The following XG variants were observed in gnomAD, a reference collection of about 807,000 sequenced individuals.
XG encodes the protein Xg glycoprotein (Xg blood group).
In XG, 24 loss-of-function variants were observed where a neutral mutation model predicts 25.7. That is an observed-to-expected ratio of 0.93 (90% confidence interval 0.68 to 1.31). The LOEUF is 1.31. XG is among the 40% of genes most tolerant of loss of function. XG has a pLI of 0.00. For synonymous variants in XG, 77 were observed against 69.2 expected, an observed-to-expected ratio of 1.11 and a Z score of -0.56; for missense variants, 181 against 187.6, an observed-to-expected ratio of 0.96 and a Z score of 0.21.
intron 7 of XG, among the ~76,000 whole-genome samples, chrX:2,801,070 GA>G (rs932771386): frequency 6.5e-5 from 7 of 108,320 alleles, no homozygotes; most frequent in Non-Finnish European, 9.5e-5. Flanking sequence ...CATCTTTCTG[GA>G]ACTAGCTAAG....
chrX:2,798,304 C>T (rs376016381), intron 7 of XG, among the ~76,000 whole-genome samples: 1 of 110,355 alleles, frequency 9.1e-6, no homozygotes, highest in East Asian at 2.8e-4. Flanking sequence ...CCATCATCTC[C>T]GTTTTAACAT....
chrX:2,795,174 A>G (rs773318046), intron 6 of XG, among the ~76,000 whole-genome samples: 1 of 106,938 alleles, frequency 9.4e-6, no homozygotes, highest in Non-Finnish European at 1.9e-5. Context: ...ACATAGGTAC[A>G]TGTTTTATAT....
intron 4 of XG, among the ~76,000 whole-genome samples, chrX:2,787,948 T>C (rs1035150042): frequency 2.0e-5 from 2 of 100,905 alleles, no homozygotes; most frequent in African/African-American, 7.5e-5. Context: ...CAGGGCATGG[T>C]GGTCCATGCC....
intron 6 of XG, among the ~76,000 whole-genome samples, chrX:2,795,606 ATC>A (rs2086878014): frequency 9.0e-6 from 1 of 110,672 alleles, no homozygotes; most frequent in South Asian, 3.7e-4. Context: ...ATGTGTATAT[ATC>A]TTTATATAGG....
At chrX:2,766,242 G>C (rs1331318278) in intron 1 of XG, among the ~76,000 whole-genome samples, 2 of 152,162 alleles carry the variant, frequency 1.3e-5, no homozygotes, top group Non-Finnish European at 2.9e-5. Context: ...CCAGGTTCAA[G>C]CAATTCTCCT....
At chrX:2,756,594 TA>T (rs1348516889) in intron 1 of XG, among the ~76,000 whole-genome samples, 1 of 86,736 alleles carries the variant, frequency 1.2e-5, no homozygotes. Context: ...CAATTAAAAA[TA>T]AATTAAAAGA....
chrX:2,788,034 A>C (rs866357798), intron 4 of XG, among the ~76,000 whole-genome samples: 9 of 110,752 alleles, frequency 8.1e-5, no homozygotes, highest in Non-Finnish European at 1.7e-4. Flanking sequence ...GCAGTGAGCT[A>C]TGATTCACCA....
chrX:2,784,952 C>T (rs1241777886), intron 4 of XG, among the ~76,000 whole-genome samples: 1 of 112,427 alleles, frequency 8.9e-6, no homozygotes, highest in Admixed American at 9.4e-5. Context: ...AAGGACGTGC[C>T]CGTGACACAG....
At chrX:2,791,856 A>G (rs2086840500) in intron 5 of XG, among the ~76,000 whole-genome samples, 1 of 110,336 alleles carries the variant, frequency 9.1e-6, no homozygotes, top group Admixed American at 9.8e-5. Context: ...ATCAGGGTGT[A>G]TAGCTTCAAC....
At chrX:2,759,844 G>A (rs1329602080) in intron 1 of XG, among the ~76,000 whole-genome samples, 2 of 152,342 alleles carry the variant, frequency 1.3e-5, no homozygotes, top group African/African-American at 4.8e-5. Context: ...TCCCCCGATG[G>A]ATCAGGGGCC....
chrX:2,755,901 A>T (rs2050424859), intron 1 of XG, among the ~76,000 whole-genome samples: 1 of 152,118 alleles, frequency 6.6e-6, no homozygotes, highest in South Asian at 2.1e-4. Context: ...AAGAAAACAG[A>T]TTATTGTTCA....
chrX:2,776,717 G>A (rs1245974427), intron 3 of XG, among the ~76,000 whole-genome samples: 2 of 152,210 alleles, frequency 1.3e-5, no homozygotes, highest in Admixed American at 1.3e-4. Context: ...GCATGGTGGC[G>A]GGCGCCTGTA....
intron 10 of XG, among the ~76,000 whole-genome samples, chrX:2,812,016 A>G (rs1269691408): frequency 1.1e-4 from 12 of 112,115 alleles, no homozygotes; most frequent in Admixed American, 9.5e-5. Context: ...AGAAAAAGAA[A>G]CAAACAAACA....
intron 1 of XG, chrX:2,752,786 A>T (rs1156602753): frequency 6.2e-6 from 2 of 320,128 alleles, no homozygotes; most frequent in African/African-American, 4.5e-5. Context: ...CGTTTGCCGG[A>T]AGGGTTGCAT....
intron 3 of XG, among the ~76,000 whole-genome samples, chrX:2,778,909 G>A (rs2051059956): frequency 1.3e-5 from 2 of 152,008 alleles, no homozygotes; most frequent in East Asian, 3.9e-4. Context: ...CTACAGGCAT[G>A]TGCCACCACG....
intron 4 of XG, among the ~76,000 whole-genome samples, chrX:2,787,149 T>C (rs754527212): frequency 9.4e-6 from 1 of 105,986 alleles, no homozygotes; most frequent in African/African-American, 3.5e-5. Context: ...GATCTCAGAC[T>C]TCCAGCCTCC....
At chrX:2,802,722 C>T (rs1198332998) in intron 7 of XG, among the ~76,000 whole-genome samples, 1 of 110,257 alleles carries the variant, frequency 9.1e-6, no homozygotes, top group African/African-American at 3.3e-5. Context: ...TCAACTTCAA[C>T]CTTAGGTTTT....
intron 1 of XG, among the ~76,000 whole-genome samples, chrX:2,756,235 C>T (rs312234): frequency 0.24 from 37,012 of 151,908 alleles, 4,833 homozygotes; most frequent in Non-Finnish European, 0.3. Context: ...CATGAAGGAG[C>T]ACGAGACAAA....
chrX:2,759,442 CGGTATAGTTGTCTG>C (rs1326142696), intron 1 of XG, among the ~76,000 whole-genome samples: 1 of 151,998 alleles, frequency 6.6e-6, no homozygotes, highest in Non-Finnish European at 1.5e-5. Flanking sequence ...ATAGGAGGTA[CGGTATAGTTGTCTG>C]GGCATTTCTA....
Sources: gnomAD v4.1 joint callset for allele counts (sites outside exome capture counted in the v4.1 genomes callset) on GRCh38, gnomAD v4.1.1 for gene constraint, MANE v1.5 for transcripts, NCBI Gene and HGNC (gene_info 2026-07-23, HGNC 2026-07-21) for gene names.